GATC: variants seen among roughly 807,000 people sequenced by gnomAD.
The protein encoded by GATC is glutamyl-tRNA(Gln) amidotransferase subunit C, mitochondrial.
GATC carries 11 observed loss-of-function variants against 14.4 expected under a neutral mutation model. The ratio of observed to expected loss-of-function variants is 0.77; its 90% CI spans 0.48 to 1.27. The LOEUF is 1.27. GATC is among the 50% of genes most tolerant of loss of function. GATC has a pLI of 0.00. For missense variants in GATC, 204 were observed against 183.0 expected (o/e 1.11, Z -0.66); for synonymous variants, 76 against 79.3 (o/e 0.96, Z 0.22).
At position 120,447,013 on chromosome 12, in the gene GATC, AGT is replaced by A. The variant is rs376849965; in HGVS notation, c.254+187_254+188del. 2.2e-4 allele frequency among the ~76,000 whole-genome samples: 33 copies of A among 151,004 alleles called. 1 individual carries two copies. In the East Asian group the frequency reaches 5.3e-3, roughly 24 times the overall value. On this transcript the variant is annotated intron_variant, in intron 2 of 3. Coordinates refer to ENST00000551765, the MANE Select transcript of GATC (RefSeq NM_176818.3). ...CTTGTTCATTACTGATGCTCTCGCT[AGT>A]GTAAGTGGAAACAAAACCCGAACTG...
In GATC at chr12:120,462,486, A is replaced by T. The variant is rs918646987; in HGVS notation, c.*2527A>T. On this transcript the variant is annotated 3_prime_UTR_variant, in exon 4 of 4. Coordinates refer to ENST00000551765, the MANE Select transcript of GATC (RefSeq NM_176818.3). ...CTGCCATTGACCCCCCTCAAAGCTA[A>T]GAACTGGAAAGGATCTCAGGGGTCA... 1 of 206,276 alleles carries T rather than the reference A, an allele frequency of 4.8e-6. No homozygotes were observed. The highest frequency in any genetic ancestry group is 2.3e-5 in the African/African-American group (1 of 42,590). 12.8% of individuals were successfully genotyped at this position (206,276 alleles called of 1,614,324 possible).
chr12:120,461,801 T>C lies in GATC; in HGVS notation c.*1842T>C. On this transcript the variant is annotated 3_prime_UTR_variant, in exon 4 of 4. Coordinates refer to ENST00000551765, the MANE Select transcript of GATC (RefSeq NM_176818.3). ...TTCCCATAATCAGGGGTGAAAAATA[T>C]ACAACTTGTTTCTGAACCAAAACCA... 1 of 439,816 alleles carries C rather than the reference T, an allele frequency of 2.3e-6. No individual in the cohort carries two copies. Among genetic ancestry groups the C allele is most frequent in the Non-Finnish European group, 3.8e-6 (1 of 260,620 alleles). The allele number at this position is 439,816 out of a possible 1,614,324, so 27.2% of individuals were successfully genotyped here.
intron 2 of GATC, among the ~76,000 whole-genome samples, chr12:120,448,975 T>TA (rs61295141): frequency 1.3e-5 from 2 of 150,626 alleles, no homozygotes; most frequent in African/African-American, 2.4e-5. Context: ...TTTTTTTTTT[T>TA]AATTGAGACA....
intron 2 of GATC, among the ~76,000 whole-genome samples, chr12:120,449,549 G>C (rs1381641351): frequency 6.6e-6 from 1 of 151,880 alleles, no homozygotes; most frequent in Non-Finnish European, 1.5e-5. Flanking sequence ...TCCTGGGTTT[G>C]AGATTCTCTT....
Position 120,460,618 on chromosome 12 carries a change from G to A in GATC, c.*659G>A, listed in dbSNP as rs576682428. ...TATCCTAAAATTAGCCCTGGGCCTG[G>A]GACAAAGGAGCCCTCTCCGCCCCCA... is the stretch of plus-strand genomic sequence containing the variant. On this transcript the variant is annotated 3_prime_UTR_variant, in exon 4 of 4. Transcript: ENST00000551765. 3.3e-5 allele frequency: 5 copies of A among 152,042 alleles called. No homozygotes were observed. Among genetic ancestry groups the A allele is most frequent in the Non-Finnish European group, 5.9e-5 (4 of 68,030 alleles). 9.4% of individuals were successfully genotyped at this position (152,042 alleles called of 1,614,324 possible).
chr12:120,448,131 AG>A (rs2137037452), intron 2 of GATC, among the ~76,000 whole-genome samples: 1 of 152,234 alleles, frequency 6.6e-6, no homozygotes, highest in Non-Finnish European at 1.5e-5. Flanking sequence ...TATGTTGCCC[AG>A]GCTGGTCGCA....
rs750530527 is a variant in GATC at position 120,446,693 on chromosome 12, C to A, written c.118C>A (p.Leu40Met). Residue 40 changes from leucine (L) to methionine (M), a missense_variant, in exon 2 of 4, where the codon CTG (leucine) becomes ATG (methionine). Coordinates refer to ENST00000551765, the MANE Select transcript of GATC (RefSeq NM_176818.3). ...GRITAAVIEH[L>M]ERLALVDFGS... ...GATCACGGCTGCGGTGATCGAGCAC[C>A]TGGAGCGTCTAGCGCTTGTGGACTT... The A allele has an allele frequency of 5.6e-6, 9 of 1,613,700 alleles. No individual in the cohort carries two copies. Among genetic ancestry groups the A allele is most frequent in the Middle Eastern group, 1.7e-4 (1 of 6,060 alleles).
chr12:120,447,754 TTTTTA>T (rs769462330), intron 2 of GATC, among the ~76,000 whole-genome samples: 34 of 152,298 alleles, frequency 2.2e-4, no homozygotes, highest in East Asian at 5.8e-4. Flanking sequence ...CTGCCTTGAA[TTTTTA>T]TTTTATTTGT....
chr12:120,455,822 T>A (rs1017698084), intron 2 of GATC, among the ~76,000 whole-genome samples: 6 of 151,906 alleles, frequency 3.9e-5, no homozygotes, highest in East Asian at 3.9e-4. Context: ...AGTAGCTGGG[T>A]CTACAGGCGC....
intron 2 of GATC, among the ~76,000 whole-genome samples, chr12:120,451,878 T>TTTTTTTTTTCTG (rs1463709131): frequency 8.0e-6 from 1 of 124,692 alleles, no homozygotes; most frequent in Non-Finnish European, 1.7e-5. Flanking sequence ...ATAAATTCTT[T>TTTTTTTTTTCTG]TTTTTTTTTT....
At chr12:120,454,497 T>C (rs1197440829) in intron 2 of GATC, among the ~76,000 whole-genome samples, 1 of 151,954 alleles carries the variant, frequency 6.6e-6, no homozygotes, top group Non-Finnish European at 1.5e-5. Context: ...ATCCGCTCAC[T>C]GCAAGCTCCA....
chr12:120,456,154 T>A (rs1878179322), intron 2 of GATC, among the ~76,000 whole-genome samples: 1 of 152,220 alleles, frequency 6.6e-6, no homozygotes, highest in Non-Finnish European at 1.5e-5. Flanking sequence ...ACAGACTGCT[T>A]ATTTTTTTAA....
intron 2 of GATC, among the ~76,000 whole-genome samples, chr12:120,448,890 C>T (rs930492512): frequency 6.6e-6 from 1 of 151,798 alleles, no homozygotes; most frequent in African/African-American, 2.4e-5. Flanking sequence ...ACAGTCCACC[C>T]GCCTCGGCCT....
In GATC at chr12:120,462,809, TC is replaced by T. The variant is rs1264265569; in HGVS notation, c.*2852del. On this transcript the variant is annotated 3_prime_UTR_variant, in exon 4 of 4. Transcript: ENST00000551765. ...GCCTTCAGCCACCATTCTCAGAAGA[TC>T]CAAAGATGCCAAGGGGAAAGAAGCC... The T allele has an allele frequency of 1.3e-5, 2 of 152,198 alleles. No individual in the cohort carries two copies. Among genetic ancestry groups the T allele is most frequent in the African/African-American group, 4.8e-5 (2 of 41,436 alleles). 9.4% of individuals were successfully genotyped at this position (152,198 alleles called of 1,614,324 possible).
chr12:120,453,421 A>C (rs12310764), intron 2 of GATC, among the ~76,000 whole-genome samples: 337 of 152,330 alleles, frequency 2.2e-3, no homozygotes, highest in African/African-American at 7.7e-3. Flanking sequence ...GTATATGACA[A>C]ATGTTAGCTT....
At position 120,458,098 on chromosome 12, in the gene GATC, A is replaced by ATT. The variant is rs11434555; in HGVS notation, c.358+935_358+936dup. Among the ~76,000 whole-genome samples the ATT allele has an allele frequency of 2.2e-3, 297 of 136,750 alleles. 4 individuals are homozygous for ATT. Among genetic ancestry groups the ATT allele is most frequent in the Middle Eastern group, 3.8e-3 (1 of 264 alleles). The allele number at this position is 136,750 out of a possible 152,430, so 89.7% of individuals were successfully genotyped here. ...TGACATTTTGTGTGATATTTCTTAA[A>ATT]TTTTTTTTTTTTTTTTTGAGATGGA... is the stretch of plus-strand genomic sequence containing the variant. On this transcript the variant is annotated intron_variant, in intron 3 of 3. Transcript: ENST00000551765.
At chr12:120,452,689 A>G (rs746144541) in intron 2 of GATC, among the ~76,000 whole-genome samples, 1 of 152,018 alleles carries the variant, frequency 6.6e-6, no homozygotes, top group African/African-American at 2.4e-5. Flanking sequence ...GGCATGAGCC[A>G]TCATGCCTGG....
Position 120,462,110 on chromosome 12 carries a change from T to C in GATC, c.*2151T>C, listed in dbSNP as rs1423438628. On this transcript the variant is annotated 3_prime_UTR_variant, in exon 4 of 4. Transcript: ENST00000551765. ...CCTTGACCCAGACCGAGACCGTGAG[T>C]AGCCATAGCTGGTGCTTCTCTCAGG... 1 of 1,611,942 alleles carries C rather than the reference T, an allele frequency of 6.2e-7. No individual in the cohort carries two copies. The highest frequency in any genetic ancestry group is 2.2e-5 in the East Asian group (1 of 44,798).
At chr12:120,447,087 T>G (rs1025670330) in intron 2 of GATC, among the ~76,000 whole-genome samples, 108 of 151,590 alleles carry the variant, frequency 7.1e-4, no homozygotes, top group Admixed American at 1.4e-3. Context: ...TTTTGTTTTT[T>G]TTTTTTTGAG....
Sources: gnomAD v4.1 joint callset for allele counts (sites outside exome capture counted in the v4.1 genomes callset) on GRCh38, gnomAD v4.1.1 for gene constraint, MANE v1.5 for transcripts, NCBI Gene and HGNC (gene_info 2026-07-23, HGNC 2026-07-21) for gene names.